Variants in EVL observed in about 807,000 individuals in gnomAD.
The protein encoded by EVL is Enah/Vasp-like.
Under a neutral mutation model 59.6 loss-of-function variants are expected in EVL, and 21 were observed. That is an observed-to-expected ratio of 0.35 (90% CI 0.25 to 0.51). The LOEUF (loss-of-function observed/expected upper bound fraction) is 0.51, where lower values mean the gene tolerates loss of function less well. Ranked by LOEUF, EVL falls within the 20% of genes least tolerant of loss-of-function variation. EVL has a pLI of 0.97. For missense variants in EVL, 462 were observed against 546.6 expected (o/e 0.85, Z 1.54); for synonymous variants, 198 against 203.5 (o/e 0.97, Z 0.23).
rs1236675055 is a variant in EVL, at chr14:99,972,289, C to T, written c.5+232C>T. Among the ~76,000 whole-genome samples the T allele has an allele frequency of 6.6e-6, 1 of 151,656 alleles. No individual in the cohort carries two copies. The highest frequency in any genetic ancestry group is 1.5e-5 in the Non-Finnish European group (1 of 67,872). ...GAGGGTCTGCAGGGCTTGTGGGGGG[C>T]AGTGTTCTGCAAGGGGCAGGCGGCG... On this transcript the variant is annotated intron_variant, in intron 1 of 13. Transcript: ENST00000402714. The surrounding 1 kb of genome is among the most constrained non-coding windows in gnomAD (Gnocchi z 4.4).
Position 100,108,490 on chromosome 14 carries a change from G to T in EVL, c.358+10832G>T, listed in dbSNP as rs1886726405. The stretch of plus-strand genomic sequence containing the variant: ...CCTGGCCTCCTGCCTGCTCCCAGCT[G>T]CCCTCTGGCGGCCACTTTCTGAAAG... On this transcript the variant is annotated intron_variant, in intron 3 of 13. Transcript: ENST00000392920. The surrounding 1 kb of genome is among the most constrained non-coding windows in gnomAD (Gnocchi z 4.1). Among the ~76,000 whole-genome samples the T allele has an allele frequency of 6.6e-6, 1 of 152,110 alleles. No individual in the cohort carries two copies. Among genetic ancestry groups the T allele is most frequent in the Admixed American group, 6.5e-5 (1 of 15,278 alleles).
intron 1 of EVL, among the ~76,000 whole-genome samples, chr14:99,976,897 T>C (rs1566960438): frequency 6.6e-6 from 1 of 152,256 alleles, no homozygotes; most frequent in Non-Finnish European, 1.5e-5. Flanking sequence ...TTTCTCAGGC[T>C]CTGACTTGCT....
intron 1 of EVL, among the ~76,000 whole-genome samples, chr14:100,070,076 A>AAG (rs1555420071): frequency 5.3e-5 from 8 of 151,238 alleles, no homozygotes; most frequent in African/African-American, 1.9e-4. Context: ...AAAAAAAAAA[A>AAG]AAAGAAAGAA....
At chr14:100,117,226 C>A (rs1423592178) in intron 3 of EVL, among the ~76,000 whole-genome samples, 1 of 152,234 alleles carries the variant, frequency 6.6e-6, no homozygotes, top group Non-Finnish European at 1.5e-5. Context: ...CCGGGTGGCT[C>A]CTAAGGCTCT....
chr14:100,094,051 C>T (rs923153952), intron 2 of EVL, among the ~76,000 whole-genome samples: 3 of 152,066 alleles, frequency 2.0e-5, no homozygotes, highest in South Asian at 2.1e-4. Flanking sequence ...TTCTGTACTA[C>T]CCACATTTCA....
At chr14:100,059,243 T>C (rs868598660) in intron 1 of EVL, among the ~76,000 whole-genome samples, 8 of 152,210 alleles carry the variant, frequency 5.3e-5, no homozygotes, top group Admixed American at 6.5e-5. Context: ...ACAGATAAGA[T>C]AGGACTTTGA....
chr14:100,041,653 A>G (rs2061469453), intron 1 of EVL, among the ~76,000 whole-genome samples: 1 of 152,252 alleles, frequency 6.6e-6, no homozygotes, highest in African/African-American at 2.4e-5. Flanking sequence ...TCCTTCTGAA[A>G]CTGAGAAGTG....
intron 1 of EVL, among the ~76,000 whole-genome samples, chr14:100,067,575 G>A (rs576923844): frequency 6.6e-6 from 1 of 152,290 alleles, no homozygotes; most frequent in South Asian, 2.1e-4. Flanking sequence ...TCCTGCCTCA[G>A]CGGGACTACA....
In EVL at chr14:100,041,047, T is replaced by C. The variant is rs576876906; in HGVS notation, c.6-43640T>C. On this transcript the variant is annotated intron_variant, in intron 1 of 13. Coordinates refer to the EVL transcript ENST00000402714. ...ACACTATAAATTCACAGTGATGTTA[T>C]ATTAATAATATATTAATACATAATA... 3.9e-5 allele frequency among the ~76,000 whole-genome samples: 6 copies of C among 152,336 alleles called. No homozygotes were observed. The East Asian group carries it at 1.2e-3, about 29-fold the overall frequency.
At chr14:100,012,615 T>C (rs1403226639) in intron 1 of EVL, among the ~76,000 whole-genome samples, 1 of 152,166 alleles carries the variant, frequency 6.6e-6, no homozygotes, top group Non-Finnish European at 1.5e-5. Flanking sequence ...CCACAAACCA[T>C]TGATTAATTA....
intron 4 of EVL, among the ~76,000 whole-genome samples, chr14:100,125,448 T>A (rs1888012677): frequency 6.6e-6 from 1 of 152,200 alleles, no homozygotes; most frequent in South Asian, 2.1e-4. Flanking sequence ...ACCATGGTGT[T>A]CTAGGTGTGT....
chr14:100,022,279 T>TG lies in EVL; in HGVS notation c.5+50222_5+50223insG, dbSNP rs1491412318. 3.6e-4 allele frequency among the ~76,000 whole-genome samples: 45 copies of TG among 124,150 alleles called. No individual in the cohort carries two copies. The East Asian group carries it at 0.013, about 35-fold the overall frequency. 81.4% of individuals were successfully genotyped at this position (124,150 alleles called of 152,430 possible). On this transcript the variant is annotated intron_variant, in intron 1 of 13. Transcript: ENST00000402714. ...AAGGAAGGGCCACATTCTTGGTTTG[T>TG]TTTTTTTTTTTTTTTGGAGACAGAC...
chr14:100,086,563 G>A (rs2062448188), intron 2 of EVL, among the ~76,000 whole-genome samples: 2 of 152,194 alleles, frequency 1.3e-5, no homozygotes, highest in African/African-American at 2.4e-5. Context: ...TACTGGAAAG[G>A]GCATGGGAAG....
In EVL at chr14:100,143,751, G is replaced by A. The variant is rs775769444; in HGVS notation, c.*13G>A. 114 of 1,611,544 alleles carry A rather than the reference G, an allele frequency of 7.1e-5. No homozygotes were observed. Among genetic ancestry groups the A allele is most frequent in the Non-Finnish European group, 8.8e-5 (104 of 1,179,450 alleles). Reference sequence around the variant, plus strand: ...CAGCACCACGTAAGGGGCCGGCCTCGCTGCGCTGATTCGTCGAGCCCATCC... The same window carrying A: ...CAGCACCACGTAAGGGGCCGGCCTCACTGCGCTGATTCGTCGAGCCCATCC... On this transcript the variant is annotated 3_prime_UTR_variant, in exon 14 of 14. Coordinates refer to ENST00000392920, the MANE Select transcript of EVL (RefSeq NM_016337.3).
intron 3 of EVL, chr14:100,107,362 A>C (rs1886636061): frequency 5.0e-6 from 2 of 398,472 alleles, no homozygotes; most frequent in African/African-American, 2.1e-5. Flanking sequence ...GAAGGCAGAT[A>C]GTCTAGGCCG....
At chr14:100,093,793 TC>T (rs1288923641) in intron 2 of EVL, among the ~76,000 whole-genome samples, 2 of 152,150 alleles carry the variant, frequency 1.3e-5, no homozygotes, top group Non-Finnish European at 2.9e-5. Flanking sequence ...TATACAACAG[TC>T]CTCCACTTAG....
At chr14:100,139,540 C>T (rs987607812) in intron 11 of EVL, 11 of 152,308 alleles carry the variant, frequency 7.2e-5, no homozygotes, top group African/African-American at 2.7e-4. Context: ...ACCCAGGGCC[C>T]TCTGGCTGGA....
At position 100,116,058 on chromosome 14, in the gene EVL, G is replaced by A. The variant is rs372801233; in HGVS notation, c.359-7481G>A. On this transcript the variant is annotated intron_variant, in intron 3 of 13. Transcript: ENST00000392920. ...TCTTGTATGGCCTTGGCCAGGTGAC[G>A]GTAAAGATAGTGGCCAGACCAAGCT... Among the ~76,000 whole-genome samples the A allele has an allele frequency of 8.5e-5, 13 of 152,344 alleles. No individual in the cohort carries two copies. In the South Asian group the frequency reaches 2.1e-3, roughly 24 times the overall value.
rs974618585 is a variant in EVL at position 100,127,243 on chromosome 14, C to T, written c.487+472C>T. Among the ~76,000 whole-genome samples, 2 of 152,190 alleles carry T rather than the reference C, an allele frequency of 1.3e-5. No homozygotes were observed. The highest frequency in any genetic ancestry group is 4.8e-5 in the African/African-American group (2 of 41,440). ...CTGCCACGCGTCTGTCTTGGACGTTCGGTGGAGCTTAGCACGTTAAAGGAG... is the reference window on the plus strand; with the variant it reads ...CTGCCACGCGTCTGTCTTGGACGTTTGGTGGAGCTTAGCACGTTAAAGGAG... On this transcript the variant is annotated intron_variant, in intron 5 of 13. Transcript: ENST00000392920. The surrounding 1 kb of genome is among the most constrained non-coding windows in gnomAD (Gnocchi z 4.2).
Sources: allele counts gnomAD v4.1 joint callset (sites outside exome capture counted in the v4.1 genomes callset), GRCh38; gene constraint gnomAD v4.1.1; non-coding constraint Gnocchi (gnomAD v3.1); transcripts MANE v1.5; gene names NCBI Gene and HGNC (gene_info 2026-07-23, HGNC 2026-07-21).